Variants in OXR1 observed in about 807,000 individuals in gnomAD.
The protein encoded by OXR1 is oxidation resistance 1, also known as oxidation resistance protein 1.
A neutral mutation model predicts 104.6 loss-of-function variants in OXR1; 41 were observed. The ratio of observed to expected loss-of-function variants is 0.39; its 90% CI spans 0.31 to 0.51. The LOEUF (loss-of-function observed/expected upper bound fraction) is 0.51. OXR1 is among the 20% of genes least tolerant of loss of function. The probability of loss-of-function intolerance (pLI) is 0.77; values close to 1 mark genes in which losing one functional copy is unlikely to be tolerated. For synonymous variants in OXR1, 348 were observed against 348.4 expected, an observed-to-expected ratio of 1.00 and a Z score of 0.01; for missense variants, 955 against 1,031.9, an observed-to-expected ratio of 0.93 and a Z score of 1.02.
intron 3 of OXR1, among the ~76,000 whole-genome samples, chr8:106,669,144 TA>T (rs1045685476): frequency 9.9e-5 from 15 of 151,768 alleles, no homozygotes; most frequent in Non-Finnish European, 1.2e-4. Flanking sequence ...TACTTTCAAA[TA>T]AAGGGAAAGA....
At position 106,464,678 on chromosome 8, in the gene OXR1, C is replaced by A. The variant is rs144656533; in HGVS notation, c.24-54265C>A. Among the ~76,000 whole-genome samples the A allele has an allele frequency of 2.1e-3, 324 of 152,184 alleles. 2 individuals are homozygous for A. The highest frequency in any genetic ancestry group is 7.6e-3 in the African/African-American group (314 of 41,548). On this transcript the variant is annotated intron_variant, in intron 2 of 16. Transcript: ENST00000517566. The stretch of plus-strand genomic sequence containing the variant: ...TTGGCAGTCAGTCCATCTGCCTTTT[C>A]TGTTATTGACTTCATAGTTGTTGAG...
intron 2 of OXR1, among the ~76,000 whole-genome samples, chr8:106,451,009 A>G (rs1473355030): frequency 2.0e-5 from 3 of 152,162 alleles, no homozygotes; most frequent in African/African-American, 7.2e-5. Flanking sequence ...AAAGGATATA[A>G]CACATCCTTT....
rs574909922 is a variant in OXR1, at chr8:106,696,087, G to A, written c.675+3210G>A. Among the ~76,000 whole-genome samples, 12 of 152,182 alleles carry A rather than the reference G, an allele frequency of 7.9e-5. No homozygotes were observed. The East Asian group carries it at 2.1e-3, about 27-fold the overall frequency. On this transcript the variant is annotated intron_variant, in intron 7 of 16. Transcript: ENST00000517566. ...AGTATTACCAGATTAGTTTCATTGG[G>A]CTGAAAATCCTCTATGCACCACCTG...
intron 3 of OXR1, among the ~76,000 whole-genome samples, chr8:106,568,969 A>G (rs764256171): frequency 6.6e-6 from 1 of 152,132 alleles, no homozygotes; most frequent in Non-Finnish European, 1.5e-5. Flanking sequence ...TAAGTGTTCT[A>G]TAAAGGCTGG....
At chr8:106,692,003 AC>A (rs1382434177) in intron 6 of OXR1, among the ~76,000 whole-genome samples, 11 of 150,738 alleles carry the variant, frequency 7.3e-5, no homozygotes, top group African/African-American at 2.7e-4. Flanking sequence ...ACACACACAC[AC>A]ATATATATAT....
intron 1 of OXR1, among the ~76,000 whole-genome samples, chr8:106,355,166 T>C (rs891370894): frequency 2.6e-5 from 4 of 152,138 alleles, no homozygotes; most frequent in African/African-American, 7.2e-5. Flanking sequence ...TATTTTAAAA[T>C]GTTTCCTCTA....
rs551135327 is a variant in OXR1, at chr8:106,468,151, C to G, written c.24-50792C>G. The stretch of plus-strand genomic sequence containing the variant: ...ATAAATGTTTGTCCAACACCAGCCC[C>G]CATTCTAGGTCTTGGAGAGAACAGC... On this transcript the variant is annotated intron_variant, in intron 2 of 16. Transcript: ENST00000517566. Among the ~76,000 whole-genome samples the G allele has an allele frequency of 8.6e-5, 13 of 151,844 alleles. No individual in the cohort carries two copies. In the East Asian group the frequency reaches 2.5e-3, roughly 29 times the overall value.
rs377609044 is a variant in OXR1 at position 106,318,728 on chromosome 8, A to T, written c.-138-40748A>T. On this transcript the variant is annotated intron_variant, in intron 1 of 16. Transcript: ENST00000517566. ...CCCTGGCTCCTTTGTTCATATCACA[A>T]GTTTGGCTTAGATTACACAATTATT... 3.9e-5 allele frequency among the ~76,000 whole-genome samples: 6 copies of T among 152,250 alleles called. No individual in the cohort carries two copies. The East Asian group carries it at 1.2e-3, about 29-fold the overall frequency.
chr8:106,319,768 C>T (rs1237232715), intron 1 of OXR1, among the ~76,000 whole-genome samples: 2 of 152,126 alleles, frequency 1.3e-5, no homozygotes, highest in South Asian at 2.1e-4. Context: ...GGAATAAAGG[C>T]GATTCTTTAT....
intron 3 of OXR1, among the ~76,000 whole-genome samples, chr8:106,556,290 T>C (rs1199569130): frequency 2.6e-5 from 4 of 152,162 alleles, no homozygotes; most frequent in African/African-American, 9.7e-5. Context: ...AATAATTTTA[T>C]GTTATGCACA....
At chr8:106,688,443 G>T (rs764629966) in intron 6 of OXR1, among the ~76,000 whole-genome samples, 3 of 151,930 alleles carry the variant, frequency 2.0e-5, no homozygotes, top group Admixed American at 6.6e-5. Context: ...ACTTTTAAGA[G>T]ATTCTGAGGA....
chr8:106,505,057 A>C (rs1480088500), intron 2 of OXR1, among the ~76,000 whole-genome samples: 1 of 152,166 alleles, frequency 6.6e-6, no homozygotes, highest in East Asian at 1.9e-4. Flanking sequence ...TTCAGTCATA[A>C]TTTTCAGATT....
intron 1 of OXR1, among the ~76,000 whole-genome samples, chr8:106,313,606 A>G (rs560903536): frequency 6.7e-6 from 1 of 149,040 alleles, no homozygotes; most frequent in South Asian, 2.1e-4. Context: ...TTTTGTGATG[A>G]GGAAGAACCT....
intron 6 of OXR1, among the ~76,000 whole-genome samples, chr8:106,684,810 A>G (rs549242629): frequency 5.1e-4 from 78 of 152,316 alleles, no homozygotes; most frequent in African/African-American, 1.9e-3. Flanking sequence ...TTGACATAGT[A>G]GATTAATTTA....
intron 1 of OXR1, among the ~76,000 whole-genome samples, chr8:106,297,841 G>A (rs1316655694): frequency 6.6e-6 from 1 of 152,136 alleles, no homozygotes; most frequent in East Asian, 1.9e-4. Context: ...AAAGGAGTAG[G>A]GAGAAATCTA....
At chr8:106,565,306 A>G (rs1461869633) in intron 3 of OXR1, among the ~76,000 whole-genome samples, 1 of 152,200 alleles carries the variant, frequency 6.6e-6, no homozygotes, top group African/African-American at 2.4e-5. Flanking sequence ...AAAGTGCAAA[A>G]ATCACAAGTG....
intron 2 of OXR1, among the ~76,000 whole-genome samples, chr8:106,512,307 T>C (rs1812585498): frequency 6.6e-6 from 1 of 152,186 alleles, no homozygotes; most frequent in Non-Finnish European, 1.5e-5. Context: ...CAGTGGGATA[T>C]ATGGAAATGT....
chr8:106,660,063 T>TACA (rs1175747677), intron 3 of OXR1, among the ~76,000 whole-genome samples: 1 of 152,234 alleles, frequency 6.6e-6, no homozygotes, highest in African/African-American at 2.4e-5. Flanking sequence ...TTTGGACAAG[T>TACA]TACTTAGTGT....
intron 3 of OXR1, among the ~76,000 whole-genome samples, chr8:106,574,909 A>G (rs1391245573): frequency 2.6e-5 from 4 of 152,220 alleles, no homozygotes; most frequent in African/African-American, 4.8e-5. Context: ...AGAAGATGAC[A>G]ATCAACTACA....
Sources: gnomAD v4.1 joint callset for allele counts (sites outside exome capture counted in the v4.1 genomes callset) on GRCh38, gnomAD v4.1.1 for gene constraint, MANE v1.5 for transcripts, NCBI Gene and HGNC (gene_info 2026-07-23, HGNC 2026-07-21) for gene names.